Variants in NOTCH2 observed in about 807,000 individuals in gnomAD.
NOTCH2 encodes the protein neurogenic locus notch homolog protein 2.
A neutral mutation model predicts 235.8 loss-of-function variants in NOTCH2; 29 were observed. The ratio of observed to expected loss-of-function variants is 0.12; its 90% CI spans 0.09 to 0.17. The LOEUF (loss-of-function observed/expected upper bound fraction) is 0.17, where lower values mean the gene tolerates loss of function less well. NOTCH2 is among the 10% of genes least tolerant of loss of function. The pLI, the probability that NOTCH2 is intolerant of heterozygous loss-of-function variation, is 1.00. For missense variants in NOTCH2, 2,285 were observed against 3,150.2 expected, an observed-to-expected ratio of 0.73 and a Z score of 6.57; for synonymous variants, 1,086 against 1,141.5, an observed-to-expected ratio of 0.95 and a Z score of 0.98.
intron 1 of NOTCH2, among the ~76,000 whole-genome samples, chr1:120,048,717 C>T (rs1199224562): frequency 6.8e-5 from 9 of 131,914 alleles, no homozygotes; most frequent in South Asian, 2.8e-4. Context: ...CAAAGCACTG[C>T]GATTACAGGT....
chr1:119,916,169 C>T lies in NOTCH2; in HGVS notation c.6553G>A (p.Ala2185Thr). 1.2e-6 allele frequency: 2 copies of T among 1,614,126 alleles called. No individual in the cohort carries two copies. The highest frequency in any genetic ancestry group is 1.7e-6 in the Non-Finnish European group (2 of 1,180,020). Residue 2185 changes from alanine to threonine, a missense_variant, in exon 34 of 34, where the codon GCC (alanine) becomes ACC (threonine). This residue lies in a region of NOTCH2 where 504 missense variants were observed against 538.0 expected (regional missense o/e 0.94). Transcript: ENST00000256646. ...ACTGGGGCAGGAGGGGCGGCAGTGG[C>T]CAACATAGGGTTGGGTGAGGCCTGT... ...ILQASPNPML[A>T]TAAPPAPVHA... is the part of the protein sequence containing the mutation.
chr1:120,002,478 A>G (rs2691753), intron 3 of NOTCH2, among the ~76,000 whole-genome samples: 2 of 152,070 alleles, frequency 1.3e-5, no homozygotes, highest in African/African-American at 2.4e-5. Flanking sequence ...ATCCAGGCGG[A>G]ACTACAAATG....
At chr1:119,917,329 C>T (rs1283290675) in intron 33 of NOTCH2, among the ~76,000 whole-genome samples, 4 of 151,460 alleles carry the variant, frequency 2.6e-5, no homozygotes, top group African/African-American at 4.9e-5. Flanking sequence ...AAAAAGCAGC[C>T]GGAGGGAAAA....
At chr1:119,948,658 AG>A in intron 16 of NOTCH2, 92 bp from the exon 17 acceptor site, 2 of 1,442,954 alleles carry the variant, frequency 1.4e-6, no homozygotes, top group Non-Finnish European at 1.9e-6. Flanking sequence ...GGGTGCATGG[AG>A]CTATTCCACA....
intron 20 of NOTCH2, 62 bp downstream of exon 20, chr1:119,937,795 T>C: frequency 1.9e-6 from 3 of 1,593,204 alleles, no homozygotes; most frequent in Non-Finnish European, 2.6e-6. Flanking sequence ...ATACCTTCTC[T>C]AAATGCCACT....
intron 22 of NOTCH2, among the ~76,000 whole-genome samples, chr1:119,929,631 C>T (rs1037689542): frequency 2.0e-5 from 3 of 152,246 alleles, no homozygotes; most frequent in Admixed American, 1.3e-4. Context: ...ACATTTTAGT[C>T]AATGCAGGCA....
intron 3 of NOTCH2, among the ~76,000 whole-genome samples, chr1:119,999,991 G>A (rs1553205055): frequency 6.9e-6 from 1 of 144,810 alleles, no homozygotes; most frequent in Admixed American, 6.9e-5. Context: ...AAGGAAGGAA[G>A]GAAGGAAGGA....
chr1:119,997,897 C>G (rs1236854790), intron 3 of NOTCH2, among the ~76,000 whole-genome samples: 1 of 144,472 alleles, frequency 6.9e-6, no homozygotes, highest in Admixed American at 6.7e-5. Context: ...TCACTTGAAC[C>G]CAGGAGGCGG....
chr1:119,937,441 C>T lies in NOTCH2; in HGVS notation c.3363G>A (p.Gln1121=), dbSNP rs781877535. The T allele has an allele frequency of 1.9e-6, 3 of 1,613,798 alleles. No homozygotes were observed. The highest frequency in any genetic ancestry group is 1.3e-5 in the African/African-American group (1 of 75,046). The stretch of plus-strand genomic sequence containing the variant: ...CAGCATTGATGCAGACACCTGAGTG[C>T]TGGCACAAGTGTTCAACAAGCACAC... ...RRGVLVEHLC[Q]HSGVCINAGN... Residue 1121 remains glutamine, a synonymous_variant, in exon 21 of 34, where the codon CAG becomes CAA. Coordinates refer to ENST00000256646, the MANE Select transcript of NOTCH2 (RefSeq NM_024408.4).
intron 5 of NOTCH2, among the ~76,000 whole-genome samples, chr1:119,973,300 A>G (rs1258492006): frequency 6.6e-6 from 1 of 152,204 alleles, no homozygotes; most frequent in African/African-American, 2.4e-5. Flanking sequence ...GAAAAACAGT[A>G]ACCAGGGTGG....
chr1:119,950,647 TG>T, intron 15 of NOTCH2, 76 bp downstream of exon 15: 1 of 892,890 alleles, frequency 1.1e-6, no homozygotes, highest in Non-Finnish European at 1.9e-6. Context: ...CCCACAGACC[TG>T]GGCACTGAGA....
chr1:119,917,623 A>G lies in NOTCH2; in HGVS notation c.6027+42T>C, dbSNP rs117276377. ...ACGGGAATGGGCTTATAACTGAGGC[A>G]CTGCTATGAGCCTCCTCAAGCTCAG... is the stretch of plus-strand genomic sequence containing the variant. On this transcript the variant is annotated intron_variant, in intron 33 of 33. Transcript: ENST00000256646. 326 of 1,243,914 alleles carry G rather than the reference A, an allele frequency of 2.6e-4. 4 individuals are homozygous for G. The East Asian group carries it at 6.9e-3, about 26-fold the overall frequency. The allele number at this position is 1,243,914 out of a possible 1,614,324, so 77.1% of individuals were successfully genotyped here.
At position 120,039,117 on chromosome 1, in the gene NOTCH2, C is replaced by T. The variant is rs587757777; in HGVS notation, c.74-9130G>A. 1.7e-4 allele frequency among the ~76,000 whole-genome samples: 26 copies of T among 152,024 alleles called. No individual in the cohort carries two copies. In the East Asian group the frequency reaches 4.6e-3, roughly 27 times the overall value. On this transcript the variant is annotated intron_variant, in intron 1 of 33. Transcript: ENST00000256646. Reference sequence around the variant, plus strand: ...ACCAACGAGATCCAAATGACACTGACCAACATGATCACAGTTTACATGTCC... The same window carrying T: ...ACCAACGAGATCCAAATGACACTGATCAACATGATCACAGTTTACATGTCC...
intron 17 of NOTCH2, among the ~76,000 whole-genome samples, chr1:119,943,971 T>C (rs1392564897): frequency 2.6e-5 from 4 of 151,972 alleles, no homozygotes; most frequent in African/African-American, 9.7e-5. Flanking sequence ...CGAGAAACTA[T>C]AGAGGAAACA....
intron 28 of NOTCH2, 93 bp from the exon 29 acceptor site, chr1:119,921,902 T>A (rs1210934972): frequency 9.1e-7 from 1 of 1,093,598 alleles, no homozygotes; most frequent in East Asian, 2.4e-5. Context: ...CTCCCGTGGC[T>A]ATATTACAAT....
Position 119,915,134 on chromosome 1 carries a change from G to A in NOTCH2, c.*172C>T. The A allele has an allele frequency of 2.8e-6, 2 of 702,378 alleles. No homozygotes were observed. The highest frequency in any genetic ancestry group is 4.9e-6 in the Non-Finnish European group (2 of 404,930). 43.5% of individuals were successfully genotyped at this position (702,378 alleles called of 1,614,324 possible). On this transcript the variant is annotated 3_prime_UTR_variant, in exon 34 of 34. Transcript: ENST00000256646. ...AATCAATAAGCCTTGCAGATACCCA[G>A]TGAAACTGACGAATTGCTTCTCTTG...
In NOTCH2 at chr1:119,922,742, A is replaced by G. The variant is rs2101156392; in HGVS notation, c.4896T>C (p.Cys1632=). 1.2e-6 allele frequency: 2 copies of G among 1,614,204 alleles called. No homozygotes were observed. Among genetic ancestry groups the G allele is most frequent in the Non-Finnish European group, 1.7e-6 (2 of 1,180,036 alleles). Residue 1632 remains cysteine, a synonymous_variant, in exon 27 of 34, where the codon TGT becomes TGC. Coordinates refer to ENST00000256646, the MANE Select transcript of NOTCH2 (RefSeq NM_024408.4). ...TGAAGCAGTGGTCTGAGTCTTGAAC[A>G]CACTGGCGGTTGTCAATTTCCAGAA... ...KVFLEIDNRQ[C]VQDSDHCFKN...
At chr1:119,978,811 T>C (rs1407282239) in intron 5 of NOTCH2, among the ~76,000 whole-genome samples, 4 of 152,148 alleles carry the variant, frequency 2.6e-5, no homozygotes, top group Admixed American at 2.0e-4. Context: ...TGCAGCCAGG[T>C]TGAGAGTGAG....
In NOTCH2 at chr1:119,953,545, T is replaced by C; in HGVS notation, c.2363A>G (p.Lys788Arg). The C allele has an allele frequency of 6.2e-7, 1 of 1,614,186 alleles. No homozygotes were observed. Among genetic ancestry groups the C allele is most frequent in the South Asian group, 1.1e-5 (1 of 91,088 alleles). Residue 788 changes from lysine (K) to arginine (R), a missense_variant and splice_region_variant, in exon 14 of 34, where the codon AAA (lysine) becomes AGA (arginine). By Grantham distance (26) the Lys-to-Arg change is conservative (BLOSUM62 2). This residue lies in a region of NOTCH2 where 1,173 missense variants were observed against 1,515.3 expected (regional missense o/e 0.77). Coordinates refer to ENST00000256646, the MANE Select transcript of NOTCH2 (RefSeq NM_024408.4). ...GYRCTCKKGF[K>R]GYNCQVNIDE... ...GAAAGATGTACTTTTGTTTTCACCT[T>C]TAAAGCCCTTCTTGCAAGTACACCT... is the stretch of plus-strand genomic sequence containing the variant.
Sources: allele counts gnomAD v4.1 joint callset (sites outside exome capture counted in the v4.1 genomes callset), GRCh38; gene constraint gnomAD v4.1.1; regional missense constraint gnomAD v4.1.1; transcripts MANE v1.5; gene names NCBI Gene and HGNC (gene_info 2026-07-23, HGNC 2026-07-21).